Variants in ADAP2 observed in about 807,000 individuals in gnomAD.
ADAP2 encodes the protein arf-GAP with dual PH domain-containing protein 2.
In ADAP2, 42 loss-of-function variants were observed where a neutral mutation model predicts 54.9. The observed-to-expected ratio is 0.77, with a 90% CI of 0.60 to 0.99. The LOEUF (loss-of-function observed/expected upper bound fraction) is 0.99. Among genes scored for constraint, ADAP2 ranks in the 50% least tolerant of loss-of-function variants. ADAP2 has a pLI of 0.00. For missense variants in ADAP2, 429 were observed against 480.4 expected (o/e 0.89, Z 1.00); for synonymous variants, 177 against 180.1 (o/e 0.98, Z 0.14).
intron 10 of ADAP2, 39 bp downstream of exon 10, chr17:30,956,508 G>T (rs1400674883): frequency 6.3e-7 from 1 of 1,588,470 alleles, no homozygotes. Context: ...TTTGGACAAG[G>T]GCAGAGGACA....
chr17:30,949,767 A>G (rs866616287), intron 7 of ADAP2, among the ~76,000 whole-genome samples: 74 of 150,074 alleles, frequency 4.9e-4, no homozygotes, highest in East Asian at 1.7e-3. Context: ...AAAAAAAAAA[A>G]AAGAAGAAGA....
At chr17:30,953,140 A>G in intron 7 of ADAP2, 148 bp from the exon 8 acceptor site, 2 of 659,422 alleles carry the variant, frequency 3.0e-6, no homozygotes, top group Non-Finnish European at 5.4e-6. Context: ...TAATATTATG[A>G]CCATTGCACT....
At chr17:30,926,466 A>G (rs1232850191) in intron 2 of ADAP2, among the ~76,000 whole-genome samples, 1 of 152,214 alleles carries the variant, frequency 6.6e-6, no homozygotes, top group Admixed American at 6.5e-5. Context: ...CTTTGGAGTC[A>G]GGTCTGGGTT....
At chr17:30,951,725 G>A (rs112349013) in intron 7 of ADAP2, among the ~76,000 whole-genome samples, 1 of 143,156 alleles carries the variant, frequency 7.0e-6, no homozygotes, top group African/African-American at 2.6e-5. Flanking sequence ...GCGCCATCTT[G>A]GCTCACTGCA....
intron 5 of ADAP2, among the ~76,000 whole-genome samples, chr17:30,940,556 T>C (rs7217262): frequency 0.22 from 32,759 of 152,044 alleles, 11,027 homozygotes; most frequent in African/African-American, 0.72. Context: ...TCGCCCGCCT[T>C]GGTCTCTGAA....
intron 2 of ADAP2, among the ~76,000 whole-genome samples, chr17:30,923,376 T>C (rs1910789633): frequency 6.6e-6 from 1 of 151,606 alleles, no homozygotes; most frequent in Non-Finnish European, 1.5e-5. Context: ...GTAATTCTCC[T>C]GCCTCAGCTT....
chr17:30,957,673 C>A (rs1374753670), intron 10 of ADAP2, among the ~76,000 whole-genome samples, 162 bp from the exon 11 acceptor site: 1 of 152,134 alleles, frequency 6.6e-6, no homozygotes, highest in Non-Finnish European at 1.5e-5. Context: ...TCAAGTGATC[C>A]ACCTGCCTCG....
intron 3 of ADAP2, among the ~76,000 whole-genome samples, chr17:30,931,479 G>A (rs1911478123): frequency 6.6e-6 from 1 of 152,144 alleles, no homozygotes; most frequent in East Asian, 1.9e-4. Context: ...CTAGGTAGCT[G>A]GAGCAGGCAG....
At chr17:30,944,573 C>G in intron 5 of ADAP2, among the ~76,000 whole-genome samples, 1 of 152,330 alleles carries the variant, frequency 6.6e-6, no homozygotes, top group African/African-American at 2.4e-5. Flanking sequence ...CACTCTCCTG[C>G]CTCAGTCTTC....
rs185163581 is a variant in ADAP2, at chr17:30,926,024, G to C, written c.226-803G>C. Among the ~76,000 whole-genome samples the C allele has an allele frequency of 3.3e-5, 5 of 152,248 alleles. No homozygotes were observed. The East Asian group carries it at 7.7e-4, about 24-fold the overall frequency. On this transcript the variant is annotated intron_variant, in intron 2 of 10. Transcript: ENST00000330889. The stretch of plus-strand genomic sequence containing the variant: ...TGGGATTACAGGTGTGAGCCACTGT[G>C]CCTGGCCATTTTCTTCATTTTTACG...
chr17:30,934,290 A>G lies in ADAP2; in HGVS notation c.503A>G (p.Lys168Arg). 6.2e-7 allele frequency: 1 copy of G among 1,612,174 alleles called. No homozygotes were observed. Among genetic ancestry groups the G allele is most frequent in the Non-Finnish European group, 8.5e-7 (1 of 1,178,324 alleles). The change falls in exon 5 of 11, where the codon AAG becomes AGG. Residue 168 changes from lysine to arginine, a missense_variant. Lys to Arg is a conservative substitution (Grantham distance 26). Transcript: ENST00000330889. ...GAAGGCCTCCTGAAGTACTTCACAA[A>G]GGAACAGGTAAGATGCCAGACCAAT... is the stretch of plus-strand genomic sequence containing the variant. Reference protein sequence around the residue: ...AREGLLKYFTKEQGKSPKAVI... With the variant: ...AREGLLKYFTREQGKSPKAVI...
In ADAP2 at chr17:30,944,945, G is replaced by T; in HGVS notation, c.549G>T (p.Leu183Phe). 1 of 1,614,162 alleles carries T rather than the reference G, an allele frequency of 6.2e-7. No homozygotes were observed. Among genetic ancestry groups the T allele is most frequent in the Non-Finnish European group, 8.5e-7 (1 of 1,180,038 alleles). The change falls in exon 6 of 11, where the codon TTG becomes TTT. Residue 183 changes from leucine to phenylalanine, a missense_variant. By Grantham distance (22) the Leu-to-Phe change is conservative. Transcript: ENST00000330889. ...SPKAVISIKD[L>F]NATFQTEKIG... is the part of the protein sequence containing the mutation. ...AAGCTGTCATCAGCATTAAGGACTT[G>T]AATGCCACCTTCCAGACAGAGAAGA...
rs1452393581 is a variant in ADAP2 at position 30,956,445 on chromosome 17, C to T, written c.1087C>T (p.Pro363Ser). The change falls in exon 10 of 11, where the codon CCC (proline) becomes TCC (serine). Residue 363 changes from proline (P) to serine (S), a missense_variant. Pro to Ser is a moderately conservative substitution (Grantham distance 74). Transcript: ENST00000330889. ...LESLRGVLSS[P>S]LTPLNRLTAS... is the part of the protein sequence containing the mutation. ...AAGTTTGCGGGGTGTCCTGTCCAGC[C>T]CCTTGACGCCCCTCAACCGGCTTAG... 9 of 1,614,052 alleles carry T rather than the reference C, an allele frequency of 5.6e-6. No individual in the cohort carries two copies. The East Asian group carries it at 1.6e-4, about 28-fold the overall frequency.
In ADAP2 at chr17:30,931,881, C is replaced by G; in HGVS notation, c.318-8C>G. On this transcript the variant is annotated splice_region_variant and splice_polypyrimidine_tract_variant and intron_variant, in intron 3 of 10. Coordinates refer to ENST00000330889, the MANE Select transcript of ADAP2 (RefSeq NM_018404.3). ...AAACGCAGCTGACCTCAGGCTCTCT[C>G]TTTTTAGGGTCTTAAAGGAACAATG... 6.2e-7 allele frequency: 1 copy of G among 1,606,824 alleles called. No homozygotes were observed. The highest frequency in any genetic ancestry group is 1.1e-5 in the South Asian group (1 of 90,828).
chr17:30,945,143 T>C, intron 6 of ADAP2, 90 bp downstream of exon 6: 1 of 1,417,614 alleles, frequency 7.1e-7, no homozygotes, highest in Non-Finnish European at 9.6e-7. Context: ...TCACTGGTGC[T>C]GTGCTCAGCT....
intron 5 of ADAP2, among the ~76,000 whole-genome samples, chr17:30,937,972 G>A (rs1912009442): frequency 6.6e-6 from 1 of 152,170 alleles, no homozygotes. Context: ...TGATTTGGAG[G>A]CTTGGAGAGA....
intron 5 of ADAP2, among the ~76,000 whole-genome samples, chr17:30,941,739 A>C (rs1912285660): frequency 6.6e-6 from 1 of 152,188 alleles, no homozygotes; most frequent in Non-Finnish European, 1.5e-5. Flanking sequence ...AGAACAGGCA[A>C]AACTGTACTG....
chr17:30,934,563 A>G (rs1911736992), intron 5 of ADAP2, among the ~76,000 whole-genome samples: 1 of 152,192 alleles, frequency 6.6e-6, no homozygotes, highest in Non-Finnish European at 1.5e-5. Context: ...CATTCACTTA[A>G]GAAACATTTA....
intron 2 of ADAP2, among the ~76,000 whole-genome samples, chr17:30,925,482 C>T (rs1423077579): frequency 3.3e-5 from 5 of 151,882 alleles, no homozygotes; most frequent in African/African-American, 9.7e-5. Context: ...TGAGCTACAG[C>T]GCCCAATCCT....
Sources: gnomAD v4.1 joint callset for allele counts (sites outside exome capture counted in the v4.1 genomes callset) on GRCh38, gnomAD v4.1.1 for gene constraint, MANE v1.5 for transcripts, NCBI Gene and HGNC (gene_info 2026-07-23, HGNC 2026-07-21) for gene names.